The following MCTP1 variants were observed in gnomAD, a reference collection of about 807,000 sequenced individuals.
MCTP1 encodes the protein multiple C2 and transmembrane domain-containing protein 1.
In MCTP1, 69 loss-of-function variants were observed where a neutral mutation model predicts 120.6. The observed-to-expected ratio is 0.57, with a 90% CI of 0.47 to 0.70. The LOEUF is 0.70. Ranked by LOEUF, MCTP1 falls within the 30% of genes least tolerant of loss-of-function variation. The pLI, the probability that MCTP1 is intolerant of heterozygous loss-of-function variation, is 0.00. For synonymous variants in MCTP1, 529 were observed against 493.1 expected, an observed-to-expected ratio of 1.07 and a Z score of -0.96; for missense variants, 1,203 against 1,248.8, an observed-to-expected ratio of 0.96 and a Z score of 0.55.
chr5:95,115,269 C>T (rs889730723), intron 1 of MCTP1, among the ~76,000 whole-genome samples: 12 of 151,990 alleles, frequency 7.9e-5, no homozygotes, highest in African/African-American at 2.9e-4. Context: ...CATAATCTCA[C>T]CAAATCAACT....
At chr5:94,737,162 A>T (rs1028218070) in intron 19 of MCTP1, among the ~76,000 whole-genome samples, 1 of 147,102 alleles carries the variant, frequency 6.8e-6, no homozygotes, top group Non-Finnish European at 1.5e-5. Flanking sequence ...TAATTTTTAA[A>T]TTTTTTTGTA....
chr5:94,764,512 T>G (rs764905433), intron 19 of MCTP1, among the ~76,000 whole-genome samples: 1 of 152,042 alleles, frequency 6.6e-6, no homozygotes, highest in Non-Finnish European at 1.5e-5. Context: ...TAAAGACATA[T>G]AGACTGAAAG....
intron 17 of MCTP1, among the ~76,000 whole-genome samples, chr5:94,809,895 AC>A (rs1783075734): frequency 6.6e-6 from 1 of 152,106 alleles, no homozygotes; most frequent in Non-Finnish European, 1.5e-5. Context: ...GGAAAGACCC[AC>A]GACTATCTCA....
intron 1 of MCTP1, among the ~76,000 whole-genome samples, chr5:95,198,069 A>C (rs1750591446): frequency 1.3e-5 from 2 of 152,120 alleles, no homozygotes; most frequent in Non-Finnish European, 2.9e-5. Context: ...CTTTGATTTC[A>C]CAGATGCGGA....
At chr5:95,177,611 C>A (rs1286725366) in intron 1 of MCTP1, among the ~76,000 whole-genome samples, 1 of 152,190 alleles carries the variant, frequency 6.6e-6, no homozygotes, top group Non-Finnish European at 1.5e-5. Context: ...TGTGCATGAG[C>A]TGAATAACAG....
intron 1 of MCTP1, among the ~76,000 whole-genome samples, chr5:95,246,322 T>C (rs1330049193): frequency 6.6e-6 from 1 of 152,098 alleles, no homozygotes; most frequent in Non-Finnish European, 1.5e-5. Context: ...AATTCAAACA[T>C]AACAATGTTA....
At chr5:94,811,459 A>G (rs1387291733) in intron 17 of MCTP1, among the ~76,000 whole-genome samples, 1 of 152,234 alleles carries the variant, frequency 6.6e-6, no homozygotes, top group Non-Finnish European at 1.5e-5. Context: ...CTTTTACAGT[A>G]AAAGGAAAGG....
chr5:94,710,843 C>A lies in MCTP1; in HGVS notation c.2805G>T (p.Pro935=), dbSNP rs373763484. 6.2e-7 allele frequency: 1 copy of A among 1,612,208 alleles called. No individual in the cohort carries two copies. Among genetic ancestry groups the A allele is most frequent in the Non-Finnish European group, 8.5e-7 (1 of 1,178,804 alleles). The change falls in exon 21 of 23, where the codon CCG becomes CCT. Residue 935 remains proline, a synonymous_variant. Transcript: ENST00000515393. ...CCCAGACAAGGACAATGTATCTCAGCGGAATGCAGTACAGGATGGCTGTGA... is the reference window on the plus strand; with the variant it reads ...CCCAGACAAGGACAATGTATCTCAGAGGAATGCAGTACAGGATGGCTGTGA... ...CVFTAILYCI[P]LRYIVLVWGI... is the part of the protein sequence containing the mutation.
At chr5:95,034,950 A>G (rs983568443) in intron 1 of MCTP1, among the ~76,000 whole-genome samples, 16 of 152,102 alleles carry the variant, frequency 1.1e-4, no homozygotes, top group Admixed American at 2.6e-4. Context: ...TATACAAGTG[A>G]CCAATAACCA....
intron 1 of MCTP1, among the ~76,000 whole-genome samples, chr5:95,270,931 C>CAAA (rs10655109): frequency 2.6e-3 from 384 of 145,560 alleles, no homozygotes; most frequent in African/African-American, 3.5e-3. Context: ...CTCTCTCTCT[C>CAAA]AAAAAAAAAA....
intron 1 of MCTP1, among the ~76,000 whole-genome samples, chr5:95,185,246 AG>A (rs747344513): frequency 5.9e-5 from 9 of 152,194 alleles, no homozygotes; most frequent in Non-Finnish European, 7.4e-5. Flanking sequence ...GTACAAACAA[AG>A]AAAACAAAAA....
At chr5:94,788,049 G>A (rs1477809071) in intron 18 of MCTP1, among the ~76,000 whole-genome samples, 1 of 152,138 alleles carries the variant, frequency 6.6e-6, no homozygotes, top group African/African-American at 2.4e-5. Flanking sequence ...AAGATACAGC[G>A]GTAACTCTTA....
At chr5:95,195,999 C>T (rs1383908784) in intron 1 of MCTP1, among the ~76,000 whole-genome samples, 3 of 152,100 alleles carry the variant, frequency 2.0e-5, no homozygotes, top group African/African-American at 7.2e-5. Flanking sequence ...TGGTCCCCCG[C>T]CTTTCTAAAA....
chr5:95,026,845 C>T (rs903023565), intron 1 of MCTP1, among the ~76,000 whole-genome samples: 6 of 152,260 alleles, frequency 3.9e-5, no homozygotes, highest in African/African-American at 9.6e-5. Flanking sequence ...GTTAAAACTT[C>T]GTGACAGATA....
intron 2 of MCTP1, among the ~76,000 whole-genome samples, chr5:94,960,149 G>T (rs987613491): frequency 3.3e-5 from 5 of 152,126 alleles, no homozygotes; most frequent in African/African-American, 1.2e-4. Flanking sequence ...TGAGAAACCT[G>T]ACAAAAACAA....
At chr5:95,173,149 T>G (rs990360342) in intron 1 of MCTP1, among the ~76,000 whole-genome samples, 21 of 152,300 alleles carry the variant, frequency 1.4e-4, no homozygotes, top group African/African-American at 4.6e-4. Flanking sequence ...AAAGAGTAGT[T>G]ACTAAAACAT....
chr5:94,936,242 A>G (rs1816167170), intron 5 of MCTP1, among the ~76,000 whole-genome samples: 1 of 151,904 alleles, frequency 6.6e-6, no homozygotes, highest in East Asian at 1.9e-4. Context: ...AGGTAAGAAA[A>G]AAAACCATAC....
intron 1 of MCTP1, among the ~76,000 whole-genome samples, chr5:95,251,067 A>T (rs1332380579): frequency 6.6e-6 from 1 of 152,182 alleles, no homozygotes; most frequent in Non-Finnish European, 1.5e-5. Flanking sequence ...TGGTAAACAC[A>T]GATTTAGCAA....
chr5:95,069,125 G>A (rs1302102474), intron 1 of MCTP1, among the ~76,000 whole-genome samples: 2 of 152,130 alleles, frequency 1.3e-5, no homozygotes, highest in Non-Finnish European at 2.9e-5. Context: ...TCTCAAATGT[G>A]CCCTATTTTT....
Sources: gnomAD v4.1 joint callset for allele counts (sites outside exome capture counted in the v4.1 genomes callset) on GRCh38, gnomAD v4.1.1 for gene constraint, MANE v1.5 for transcripts, NCBI Gene and HGNC (gene_info 2026-07-23, HGNC 2026-07-21) for gene names.